The following KCNH7 variants were observed in gnomAD, a reference collection of about 807,000 sequenced individuals.
KCNH7 encodes the protein potassium voltage-gated channel subfamily H member 7.
A neutral mutation model predicts 120.8 loss-of-function variants in KCNH7; 49 were observed. That is an observed-to-expected ratio of 0.41 (90% CI 0.32 to 0.51). The LOEUF (loss-of-function observed/expected upper bound fraction) is 0.51. Ranked by LOEUF, KCNH7 falls within the 20% of genes least tolerant of loss-of-function variation. The pLI is 0.38. For synonymous variants in KCNH7, 547 were observed against 516.1 expected, an observed-to-expected ratio of 1.06 and a Z score of -0.81; for missense variants, 1,097 against 1,446.6, an observed-to-expected ratio of 0.76 and a Z score of 3.92.
intron 2 of KCNH7, among the ~76,000 whole-genome samples, chr2:162,786,016 G>A (rs1230085195): frequency 6.6e-6 from 1 of 152,072 alleles, no homozygotes; most frequent in Non-Finnish European, 1.5e-5. Flanking sequence ...GCCAAGCTGG[G>A]CAGATCACAA....
At chr2:162,666,162 C>T (rs973722325) in intron 2 of KCNH7, among the ~76,000 whole-genome samples, 1 of 151,982 alleles carries the variant, frequency 6.6e-6, no homozygotes, top group Non-Finnish European at 1.5e-5. Context: ...AAACTTAAAC[C>T]AAATAGGGAG....
chr2:162,706,932 G>A (rs1686725262), intron 2 of KCNH7, among the ~76,000 whole-genome samples: 2 of 152,094 alleles, frequency 1.3e-5, no homozygotes, highest in Non-Finnish European at 2.9e-5. Flanking sequence ...ATTGGAGCGG[G>A]GAGCTTTCTA....
chr2:162,751,602 A>G (rs949513710), intron 2 of KCNH7, among the ~76,000 whole-genome samples: 2 of 151,916 alleles, frequency 1.3e-5, no homozygotes, highest in African/African-American at 4.8e-5. Context: ...TTAAAAACTC[A>G]TAATTGATAT....
chr2:162,578,730 T>C (rs988178254), intron 2 of KCNH7, among the ~76,000 whole-genome samples: 4 of 152,100 alleles, frequency 2.6e-5, no homozygotes, highest in Admixed American at 2.6e-4. Flanking sequence ...TATATCCATT[T>C]ACAAATGCAA....
At chr2:162,462,503 C>A (rs1230595329) in intron 6 of KCNH7, among the ~76,000 whole-genome samples, 3 of 150,318 alleles carry the variant, frequency 2.0e-5, no homozygotes, top group Non-Finnish European at 4.4e-5. Context: ...CATCTAGAAT[C>A]ATCAGGAGAG....
At chr2:162,563,373 T>G (rs992080792) in intron 2 of KCNH7, among the ~76,000 whole-genome samples, 6 of 152,192 alleles carry the variant, frequency 3.9e-5, no homozygotes, top group African/African-American at 1.4e-4. Context: ...TACTTTACCT[T>G]GTATTGTATT....
At chr2:162,396,632 G>T in intron 11 of KCNH7, 108 bp downstream of exon 11, 10 of 742,658 alleles carry the variant, frequency 1.3e-5, no homozygotes, top group East Asian at 2.8e-5. Context: ...TTCAGAATTG[G>T]TAAAGTCTTG....
At chr2:162,711,227 A>G (rs990048760) in intron 2 of KCNH7, among the ~76,000 whole-genome samples, 1 of 152,246 alleles carries the variant, frequency 6.6e-6, no homozygotes, top group African/African-American at 2.4e-5. Flanking sequence ...AAATATTCCT[A>G]GAGCAATAAT....
intron 9 of KCNH7, among the ~76,000 whole-genome samples, chr2:162,408,272 A>T (rs1479106895): frequency 6.6e-6 from 1 of 152,082 alleles, no homozygotes; most frequent in Non-Finnish European, 1.5e-5. Context: ...ATTTTTTACC[A>T]ATTGGGTATT....
intron 2 of KCNH7, among the ~76,000 whole-genome samples, chr2:162,644,119 G>T (rs1232647118): frequency 6.6e-6 from 1 of 151,804 alleles, no homozygotes; most frequent in Non-Finnish European, 1.5e-5. Flanking sequence ...CATGGTAAAA[G>T]GAAGTCCTTT....
At chr2:162,604,076 C>G (rs1050524083) in intron 2 of KCNH7, among the ~76,000 whole-genome samples, 1 of 152,024 alleles carries the variant, frequency 6.6e-6, no homozygotes, top group African/African-American at 2.4e-5. Flanking sequence ...AGAGAGTTTA[C>G]TAACTTAGCT....
chr2:162,645,605 T>C (rs1432708400), intron 2 of KCNH7, among the ~76,000 whole-genome samples: 2 of 152,226 alleles, frequency 1.3e-5, no homozygotes, highest in Non-Finnish European at 2.9e-5. Context: ...TTCAGATTTG[T>C]GAAATCTTGG....
Position 162,372,065 on chromosome 2 carries a change from T to C in KCNH7, c.3355A>G (p.Lys1119Glu). 5.0e-6 allele frequency: 8 copies of C among 1,613,064 alleles called. No individual in the cohort carries two copies. Among genetic ancestry groups the C allele is most frequent in the African/African-American group, 1.3e-5 (1 of 75,008 alleles). The stretch of plus-strand genomic sequence containing the variant: ...GAAAGGGATTCTTTGGATTTAAGTT[T>C]AGATTTTTCAAGGTCTAGAAATTCA... ...CPEFLDLEKSKLKSKESLSSG... is the reference protein window; with the variant it reads ...CPEFLDLEKSELKSKESLSSG... The change falls in exon 16 of 16, where the codon AAA becomes GAA. Residue 1119 changes from lysine (K) to glutamate (E), a missense_variant. Coordinates refer to ENST00000332142, the MANE Select transcript of KCNH7 (RefSeq NM_033272.4).
chr2:162,603,048 G>A (rs1023491505), intron 2 of KCNH7, among the ~76,000 whole-genome samples: 2 of 151,666 alleles, frequency 1.3e-5, no homozygotes, highest in African/African-American at 4.8e-5. Flanking sequence ...GCATCATACT[G>A]AGGAGATACT....
At chr2:162,498,777 G>A (rs1304257171) in intron 6 of KCNH7, among the ~76,000 whole-genome samples, 1 of 152,116 alleles carries the variant, frequency 6.6e-6, no homozygotes, top group African/African-American at 2.4e-5. Context: ...GTGAGCATTA[G>A]GTGAGACAGG....
chr2:162,600,822 T>C (rs1294824337), intron 2 of KCNH7, among the ~76,000 whole-genome samples: 1 of 152,056 alleles, frequency 6.6e-6, no homozygotes, highest in Non-Finnish European at 1.5e-5. Flanking sequence ...AGATCAGGTA[T>C]GGCAGGTAGT....
At chr2:162,734,972 C>A (rs1173750809) in intron 2 of KCNH7, among the ~76,000 whole-genome samples, 1 of 152,152 alleles carries the variant, frequency 6.6e-6, no homozygotes, top group African/African-American at 2.4e-5. Flanking sequence ...TGCCTTGCAT[C>A]CAAGCCTAGT....
rs551226130 is a variant in KCNH7 at position 162,611,653 on chromosome 2, C to T, written c.308-74573G>A. Among the ~76,000 whole-genome samples the T allele has an allele frequency of 5.9e-5, 9 of 152,240 alleles. No homozygotes were observed. The East Asian group carries it at 7.8e-4, about 13-fold the overall frequency. ...CTATGGGAAGAGACGACATTAATAA[C>T]AAGAGTAAAAAGAGTTTTTATTTTT... On this transcript the variant is annotated intron_variant, in intron 2 of 15. Transcript: ENST00000332142.
intron 2 of KCNH7, among the ~76,000 whole-genome samples, chr2:162,652,785 A>T (rs1364033246): frequency 6.6e-6 from 1 of 152,194 alleles, no homozygotes; most frequent in Non-Finnish European, 1.5e-5. Flanking sequence ...CACAAGTTCC[A>T]ATTTTGACAC....
Sources: gnomAD v4.1 joint callset for allele counts (sites outside exome capture counted in the v4.1 genomes callset) on GRCh38, gnomAD v4.1.1 for gene constraint, MANE v1.5 for transcripts, NCBI Gene and HGNC (gene_info 2026-07-23, HGNC 2026-07-21) for gene names.